The following SYNJ2 variants were observed in gnomAD, a reference collection of about 807,000 sequenced individuals.
The protein encoded by SYNJ2 is polyphosphatidylinositol phosphatase SYNJ2.
Under a neutral mutation model 141.3 loss-of-function variants are expected in SYNJ2, and 116 were observed. The observed-to-expected ratio is 0.82, with a 90% confidence interval of 0.71 to 0.96. The LOEUF (loss-of-function observed/expected upper bound fraction) is 0.96. Among genes scored for constraint, SYNJ2 ranks in the 40% least tolerant of loss-of-function variants. SYNJ2 has a pLI of 0.00. For missense variants in SYNJ2, 1,873 were observed against 1,934.8 expected, an observed-to-expected ratio of 0.97 and a Z score of 0.60; for synonymous variants, 745 against 777.7, an observed-to-expected ratio of 0.96 and a Z score of 0.70.
intron 1 of SYNJ2, among the ~76,000 whole-genome samples, chr6:157,999,647 G>A (rs1350302958): frequency 6.6e-6 from 1 of 152,252 alleles, no homozygotes; most frequent in Non-Finnish European, 1.5e-5. Context: ...GTGGCAAGAG[G>A]TAGTAAGGGG....
chr6:158,059,306 C>T lies in SYNJ2; in HGVS notation c.907C>T (p.Leu303Phe), dbSNP rs1347540051. The change falls in exon 7 of 27, where the codon CTT becomes TTT. Residue 303 changes from leucine to phenylalanine, a missense_variant. Physicochemically the swap from Leu to Phe is conservative, Grantham distance 22 (BLOSUM62 0). Transcript: ENST00000355585. ...EQYGQQVVVN[L>F]LGSRGGEEVL... Reference sequence around the variant, plus strand: ...GTACGGGCAGCAGGTGGTCGTGAACCTTCTGGGAAGCAGAGGCGGAGAGGA... The same window carrying T: ...GTACGGGCAGCAGGTGGTCGTGAACTTTCTGGGAAGCAGAGGCGGAGAGGA... The T allele has an allele frequency of 6.4e-7, 1 of 1,550,978 alleles. No individual in the cohort carries two copies.
Position 158,070,198 on chromosome 6 carries a change from G to C in SYNJ2, c.1940+525G>C. 3 of 985,462 alleles carry C rather than the reference G, an allele frequency of 3.0e-6. No homozygotes were observed. Among genetic ancestry groups the C allele is most frequent in the Non-Finnish European group, 3.6e-6 (3 of 829,990 alleles). The allele number at this position is 985,462 out of a possible 1,614,324, so 61.0% of individuals were successfully genotyped here. ...GGGTGTGGGTGTTTGGATGCTGGAG[G>C]AACTCATCTTTTCCCCAGCTTGTGG... is the stretch of plus-strand genomic sequence containing the variant. On this transcript the variant is annotated intron_variant, in intron 14 of 26. Transcript: ENST00000355585. The surrounding 1 kb of genome is among the most constrained non-coding windows in gnomAD (Gnocchi z 4.0).
chr6:158,077,105 C>T (rs1163656408), intron 17 of SYNJ2, among the ~76,000 whole-genome samples: 1 of 152,074 alleles, frequency 6.6e-6, no homozygotes, highest in Non-Finnish European at 1.5e-5. Flanking sequence ...AAGCCATTCT[C>T]CTGCCTCAGC....
intron 5 of SYNJ2, among the ~76,000 whole-genome samples, chr6:158,047,868 C>T (rs1780344159): frequency 8.5e-6 from 1 of 118,230 alleles, no homozygotes; most frequent in South Asian, 2.8e-4. Flanking sequence ...CTAATAGAAA[C>T]AAATGATAAC....
chr6:158,025,129 T>G (rs1049443851), intron 2 of SYNJ2, among the ~76,000 whole-genome samples: 1 of 152,180 alleles, frequency 6.6e-6, no homozygotes, highest in Non-Finnish European at 1.5e-5. Context: ...GGCCCGCAGA[T>G]TGGCCGGCTG....
Position 158,054,989 on chromosome 6 carries a change from T to C in SYNJ2, c.818T>C (p.Leu273Pro), listed in dbSNP as rs2128355982. 1.9e-6 allele frequency: 3 copies of C among 1,614,036 alleles called. No individual in the cohort carries two copies. Among genetic ancestry groups the C allele is most frequent in the Non-Finnish European group, 2.5e-6 (3 of 1,180,014 alleles). Reference protein sequence around the residue: ...GLQVGSHHLRLHRGLEANAPA... With the variant: ...GLQVGSHHLRPHRGLEANAPA... ...TAGGTTGGCTCCCATCATCTGAGAC[T>C]CCACAGAGGCCTGGAAGCCAATGCC... Residue 273 changes from leucine (L) to proline (P), a missense_variant, in exon 6 of 27, where the codon CTC (leucine) becomes CCC (proline). By Grantham distance (98) the Leu-to-Pro change is moderately conservative. Transcript: ENST00000355585.
At chr6:158,012,808 G>A (rs1778313942) in intron 1 of SYNJ2, among the ~76,000 whole-genome samples, 1 of 152,084 alleles carries the variant, frequency 6.6e-6, no homozygotes, top group Non-Finnish European at 1.5e-5. Flanking sequence ...AATATCCCAG[G>A]CACTTCATAT....
At chr6:158,042,642 G>A (rs1034167077) in intron 4 of SYNJ2, among the ~76,000 whole-genome samples, 4 of 152,260 alleles carry the variant, frequency 2.6e-5, no homozygotes, top group Non-Finnish European at 4.4e-5. Flanking sequence ...ATAGCTGTAC[G>A]TGTGGGTGGG....
chr6:157,993,228 T>C (rs1156947681), intron 1 of SYNJ2, among the ~76,000 whole-genome samples: 1 of 152,186 alleles, frequency 6.6e-6, no homozygotes, highest in Admixed American at 6.5e-5. Context: ...GCCATTGTAA[T>C]TGGGGTAAGA....
At chr6:158,055,595 A>G (rs187050350) in intron 6 of SYNJ2, among the ~76,000 whole-genome samples, 1 of 152,208 alleles carries the variant, frequency 6.6e-6, no homozygotes, top group East Asian at 1.9e-4. Flanking sequence ...GCTTAAGAAA[A>G]GCAGAGCTAT....
At chr6:158,078,925 G>C (rs1782501345) in intron 18 of SYNJ2, 1 of 151,900 alleles carries the variant, frequency 6.6e-6, no homozygotes, top group African/African-American at 2.4e-5. Context: ...CTCCCAAGTA[G>C]CTGGGATTAC....
chr6:158,038,364 C>T (rs1281490757), intron 4 of SYNJ2, among the ~76,000 whole-genome samples: 1 of 152,218 alleles, frequency 6.6e-6, no homozygotes, highest in Non-Finnish European at 1.5e-5. Flanking sequence ...CGCTCACCCA[C>T]AGATGCAGCC....
At chr6:158,055,782 T>C (rs1428308751) in intron 6 of SYNJ2, among the ~76,000 whole-genome samples, 1 of 152,232 alleles carries the variant, frequency 6.6e-6, no homozygotes, top group Non-Finnish European at 1.5e-5. Context: ...TTCATACTCT[T>C]GTTAAACATA....
Position 158,095,698 on chromosome 6 carries a change from T to C in SYNJ2, c.3825T>C (p.Pro1275=). The C allele has an allele frequency of 6.2e-7, 1 of 1,614,106 alleles. No individual in the cohort carries two copies. The highest frequency in any genetic ancestry group is 8.5e-7 in the Non-Finnish European group (1 of 1,180,014). ...IGPPETSVEA[P]PVVTAPRVPP... is the part of the protein sequence containing the mutation. ...CCCCGGAGACAAGCGTTGAGGCCCC[T>C]CCTGTCGTGACAGCCCCTCGAGTCC... Residue 1275 remains proline (P), a synonymous_variant, in exon 27 of 27, where the codon CCT becomes CCC. Coordinates refer to ENST00000355585, the MANE Select transcript of SYNJ2 (RefSeq NM_003898.4).
rs753898543 is a variant in SYNJ2, at chr6:158,081,234, C to T, written c.2693C>T (p.Ser898Leu). The change falls in exon 19 of 27, where the codon TCA becomes TTA. Residue 898 changes from serine (S) to leucine (L), a missense_variant. Coordinates refer to ENST00000355585, the MANE Select transcript of SYNJ2 (RefSeq NM_003898.4). ...LDATVVVNLQ[S>L]PTLEEKNEFP... ...GCCACTGTTGTAGTAAACCTTCAAT[C>T]ACCGACCTTAGAAGAGAAAAACGAG... is the stretch of plus-strand genomic sequence containing the variant. 6.2e-7 allele frequency: 1 copy of T among 1,614,178 alleles called. No individual in the cohort carries two copies. Among genetic ancestry groups the T allele is most frequent in the East Asian group, 2.2e-5 (1 of 44,882 alleles).
intron 4 of SYNJ2, among the ~76,000 whole-genome samples, chr6:158,041,889 G>A (rs1483071694): frequency 1.3e-5 from 2 of 152,192 alleles, no homozygotes; most frequent in Non-Finnish European, 1.5e-5. Flanking sequence ...TTTAAAAATT[G>A]TTTTGGTAGA....
intron 11 of SYNJ2, among the ~76,000 whole-genome samples, chr6:158,065,791 A>G (rs915849269): frequency 6.6e-6 from 1 of 152,254 alleles, no homozygotes; most frequent in Non-Finnish European, 1.5e-5. Context: ...AAAGGTGAAC[A>G]AAGCTCCATG....
At chr6:158,082,518 C>A (rs1247567147) in intron 20 of SYNJ2, among the ~76,000 whole-genome samples, 2 of 147,538 alleles carry the variant, frequency 1.4e-5, no homozygotes, top group Non-Finnish European at 3.0e-5. Flanking sequence ...AAAAAGTAGC[C>A]AGACATGGTG....
chr6:158,053,627 CATCCACCT>C (rs1179338501), intron 5 of SYNJ2, among the ~76,000 whole-genome samples: 3 of 151,926 alleles, frequency 2.0e-5, no homozygotes. Context: ...TCTACCCACC[CATCCACCT>C]ATCCACCTAC....
Sources: gnomAD v4.1 joint callset for allele counts (sites outside exome capture counted in the v4.1 genomes callset) on GRCh38, gnomAD v4.1.1 for gene constraint, Gnocchi (gnomAD v3.1) non-coding constraint, MANE v1.5 for transcripts, NCBI Gene and HGNC (gene_info 2026-07-23, HGNC 2026-07-21) for gene names.